The following NECAP2 variants were observed in gnomAD, a reference collection of about 807,000 sequenced individuals.
NECAP2 encodes adaptin ear-binding coat-associated protein 2.
In NECAP2, 38 loss-of-function variants were observed where a neutral mutation model predicts 37.8. The observed-to-expected ratio is 1.01, with a 90% confidence interval of 0.78 to 1.32. The LOEUF is 1.32. Among genes scored for constraint, NECAP2 ranks in the 40% most tolerant of loss-of-function variants. NECAP2 has a pLI of 0.00. For missense variants in NECAP2, 316 were observed against 334.5 expected (o/e 0.94, Z 0.43); for synonymous variants, 121 against 127.7 (o/e 0.95, Z 0.35).
At chr1:16,455,762 C>T (rs1557692802) in intron 6 of NECAP2, 56 bp from the exon 7 acceptor site, 1 of 1,417,932 alleles carries the variant, frequency 7.1e-7, no homozygotes, top group Admixed American at 1.7e-5. Context: ...AGAAAGGTCT[C>T]TGACTTCTCT....
intron 6 of NECAP2, among the ~76,000 whole-genome samples, chr1:16,453,021 C>T (rs1443356365): frequency 6.6e-6 from 1 of 151,904 alleles, no homozygotes; most frequent in African/African-American, 2.4e-5. Context: ...AGGAACTGTT[C>T]TTTAAGTGCT....
chr1:16,458,656 A>AT (rs1217244916), intron 7 of NECAP2, among the ~76,000 whole-genome samples, 186 bp from the exon 8 acceptor site: 2 of 151,668 alleles, frequency 1.3e-5, no homozygotes, highest in East Asian at 3.9e-4. Context: ...TACATTAACT[A>AT]TTTAAAAAAA....
chr1:16,445,907 G>GA (rs2086753330), intron 2 of NECAP2, among the ~76,000 whole-genome samples: 1 of 151,004 alleles, frequency 6.6e-6, no homozygotes, highest in African/African-American at 2.4e-5. Context: ...GTCTCAAAAA[G>GA]AAAAGAAAAC....
chr1:16,458,785 T>G (rs1282521482), intron 7 of NECAP2, 57 bp from the exon 8 acceptor site: 1 of 1,585,562 alleles, frequency 6.3e-7, no homozygotes, highest in Non-Finnish European at 8.6e-7. Flanking sequence ...AACTTTTATC[T>G]GCTTTGTATT....
chr1:16,440,915 C>T, intron 1 of NECAP2, 62 bp downstream of exon 1: 1 of 1,437,234 alleles, frequency 7.0e-7, no homozygotes, highest in South Asian at 1.2e-5. Flanking sequence ...CACCCGGACA[C>T]ACCCACTGCG....
intron 6 of NECAP2, among the ~76,000 whole-genome samples, chr1:16,452,279 C>T (rs928788405): frequency 6.6e-6 from 1 of 152,158 alleles, no homozygotes; most frequent in Non-Finnish European, 1.5e-5. Flanking sequence ...CATGTCGGTT[C>T]CTGGTTCCCA....
rs1259827025 is a variant in NECAP2 at position 16,445,949 on chromosome 1, C to T, written c.194-1921C>T. Among the ~76,000 whole-genome samples, 2 of 152,150 alleles carry T rather than the reference C, an allele frequency of 1.3e-5. 1 individual carries two copies. Among genetic ancestry groups the T allele is most frequent in the South Asian group, 4.1e-4 (2 of 4,832 alleles). On this transcript the variant is annotated intron_variant, in intron 2 of 7. Coordinates refer to ENST00000337132, the MANE Select transcript of NECAP2 (RefSeq NM_018090.5). ...AAGGCCGGGCACGGTGGCTCACCGCCTGTAATCCCAGCACTTTGGGAGGCC... is the reference window on the plus strand; with the variant it reads ...AAGGCCGGGCACGGTGGCTCACCGCTTGTAATCCCAGCACTTTGGGAGGCC...
chr1:16,450,371 G>C, intron 5 of NECAP2: 1 of 323,024 alleles, frequency 3.1e-6, no homozygotes, highest in South Asian at 2.5e-5. Context: ...GGCTTAGGGA[G>C]GGTTGGGGAC....
intron 6 of NECAP2, among the ~76,000 whole-genome samples, chr1:16,452,709 C>T (rs570998835): frequency 1.3e-5 from 2 of 152,264 alleles, no homozygotes; most frequent in African/African-American, 4.8e-5. Flanking sequence ...AAGCGAGTGT[C>T]TAGTGTCAGC....
intron 4 of NECAP2, among the ~76,000 whole-genome samples, chr1:16,448,859 C>G (rs1411552337): frequency 6.6e-6 from 1 of 152,156 alleles, no homozygotes; most frequent in East Asian, 1.9e-4. Flanking sequence ...TCTTGAAAAC[C>G]TATAGAATTG....
intron 6 of NECAP2, among the ~76,000 whole-genome samples, chr1:16,454,576 C>T (rs1477826689): frequency 2.7e-5 from 4 of 150,286 alleles, no homozygotes; most frequent in Non-Finnish European, 4.4e-5. Context: ...AGGCTGGTCT[C>T]GAACTCCTGA....
chr1:16,453,581 T>C (rs555336537), intron 6 of NECAP2, among the ~76,000 whole-genome samples: 8 of 152,220 alleles, frequency 5.3e-5, no homozygotes, highest in African/African-American at 1.9e-4. Flanking sequence ...CTCCACCTCC[T>C]GGGTTCAAGT....
intron 2 of NECAP2, among the ~76,000 whole-genome samples, chr1:16,444,878 A>G (rs541807014): frequency 1.4e-4 from 21 of 152,312 alleles, no homozygotes; most frequent in Admixed American, 7.8e-4. Context: ...GCTGGAGTGC[A>G]GTGGCACGAT....
chr1:16,455,230 A>AT (rs2086899603), intron 6 of NECAP2, among the ~76,000 whole-genome samples: 1 of 152,248 alleles, frequency 6.6e-6, no homozygotes, highest in South Asian at 2.1e-4. Flanking sequence ...AAAAGCAGGC[A>AT]TTGCAGCCCC....
rs2086956085 is a variant in NECAP2 at position 16,458,128 on chromosome 1, C to CT, written c.744-713dup. ...TTAGCCTAAGATTCATTTGAGGAGT[C>CT]TGATTTTTCCAAAATAGTTCTGATT... On this transcript the variant is annotated intron_variant, in intron 7 of 7. Transcript: ENST00000337132. Among the ~76,000 whole-genome samples, 5 of 152,256 alleles carry CT rather than the reference C, an allele frequency of 3.3e-5. No individual in the cohort carries two copies. In the South Asian group the frequency reaches 1.0e-3, roughly 32 times the overall value.
chr1:16,449,671 G>A (rs2086812987), intron 5 of NECAP2: 1 of 177,938 alleles, frequency 5.6e-6, no homozygotes, highest in African/African-American at 2.4e-5. Flanking sequence ...CATCAGGAGG[G>A]ACCTGTGTGC....
In NECAP2 at chr1:16,458,898, A is replaced by G; in HGVS notation, c.*8A>G. 34 of 1,614,050 alleles carry G rather than the reference A, an allele frequency of 2.1e-5. No individual in the cohort carries two copies. Among genetic ancestry groups the G allele is most frequent in the Non-Finnish European group, 2.7e-5 (32 of 1,179,994 alleles). On this transcript the variant is annotated 3_prime_UTR_variant, in exon 8 of 8. Transcript: ENST00000337132. Reference sequence around the variant, plus strand: ...GGCTGGGTCCAGTTCTGACCTGAGCACGGTTTTTCCTCATGTGACTTCTGG... The same window carrying G: ...GGCTGGGTCCAGTTCTGACCTGAGCGCGGTTTTTCCTCATGTGACTTCTGG...
At chr1:16,458,786 G>T in intron 7 of NECAP2, 56 bp from the exon 8 acceptor site, 2 of 1,589,510 alleles carry the variant, frequency 1.3e-6, no homozygotes, top group Non-Finnish European at 8.6e-7. Context: ...ACTTTTATCT[G>T]CTTTGTATTT....
In NECAP2 at chr1:16,442,902, A is replaced by G. The variant is rs138497460; in HGVS notation, c.93-730A>G. Among the ~76,000 whole-genome samples, 344 of 152,306 alleles carry G rather than the reference A, an allele frequency of 2.3e-3. 1 individual carries two copies. The highest frequency in any genetic ancestry group is 7.7e-3 in the African/African-American group (320 of 41,562). ...GCGCCACTGCACTTCAGCCCGGGTGACAGAGTGAGACCCCGTCTCAAACAA... is the reference window on the plus strand; with the variant it reads ...GCGCCACTGCACTTCAGCCCGGGTGGCAGAGTGAGACCCCGTCTCAAACAA... On this transcript the variant is annotated intron_variant, in intron 1 of 7. Coordinates refer to ENST00000337132, the MANE Select transcript of NECAP2 (RefSeq NM_018090.5).
Sources: gnomAD v4.1 joint callset for allele counts (sites outside exome capture counted in the v4.1 genomes callset) on GRCh38, gnomAD v4.1.1 for gene constraint, MANE v1.5 for transcripts, NCBI Gene and HGNC (gene_info 2026-07-23, HGNC 2026-07-21) for gene names.